Variants in SNRNP70 observed in about 807,000 individuals in gnomAD.
SNRNP70 encodes the protein U1 small nuclear ribonucleoprotein 70 kDa.
Under a neutral mutation model 50.5 loss-of-function variants are expected in SNRNP70, and 8 were observed. The observed-to-expected ratio is 0.16, with a 90% CI of 0.09 to 0.29. SNRNP70 has a LOEUF of 0.29. SNRNP70 is among the 10% of genes least tolerant of loss of function. The pLI is 1.00. For synonymous variants in SNRNP70, 320 were observed against 252.9 expected (o/e 1.27, Z -2.52); for missense variants, 529 against 663.5 (o/e 0.80, Z 2.23).
At chr19:49,092,927 G>GTT (rs1225546010) in intron 4 of SNRNP70, among the ~76,000 whole-genome samples, 1 of 149,758 alleles carries the variant, frequency 6.7e-6, no homozygotes, top group Non-Finnish European at 1.5e-5. Flanking sequence ...GTTTTGTTTT[G>GTT]TTCTTAGGGA....
chr19:49,098,345 T>G, intron 4 of SNRNP70, 82 bp from the exon 5 acceptor site: 1 of 1,165,574 alleles, frequency 8.6e-7, no homozygotes, highest in Non-Finnish European at 1.2e-6. Context: ...CGTTTTCTTC[T>G]TGGCCTCTGC....
At chr19:49,088,888 T>G (rs894179419) in intron 2 of SNRNP70, among the ~76,000 whole-genome samples, 1 of 152,194 alleles carries the variant, frequency 6.6e-6, no homozygotes, top group Non-Finnish European at 1.5e-5. Context: ...AGCCCTGTTC[T>G]GTCAGCTTAT....
At chr19:49,102,968 A>T (rs1488973661) in intron 7 of SNRNP70, 2 of 152,396 alleles carry the variant, frequency 1.3e-5, no homozygotes, top group African/African-American at 4.8e-5. Context: ...CTGGTCCTTA[A>T]ATGCCTTTCC....
Position 49,104,539 on chromosome 19 carries a change from G to A in SNRNP70, c.476-95G>A. On this transcript the variant is annotated intron_variant, in intron 7 of 9. Coordinates refer to ENST00000598441, the MANE Select transcript of SNRNP70 (RefSeq NM_003089.6). The surrounding 1 kb of genome is among the most constrained non-coding windows in gnomAD (Gnocchi z 5.4). ...GGCGTGTGCGTGTGCGTGATGATGG[G>A]GACACGGGGCGGGGATTCTGTAGAG... is the stretch of plus-strand genomic sequence containing the variant. 1.1e-6 allele frequency: 1 copy of A among 924,488 alleles called. No homozygotes were observed. Among genetic ancestry groups the A allele is most frequent in the African/African-American group, 1.6e-5 (1 of 60,960 alleles). The allele number at this position is 924,488 out of a possible 1,614,324, so 57.3% of individuals were successfully genotyped here.
At chr19:49,095,759 A>C (rs1209792424) in intron 4 of SNRNP70, among the ~76,000 whole-genome samples, 1 of 151,964 alleles carries the variant, frequency 6.6e-6, no homozygotes, top group African/African-American at 2.4e-5. Context: ...ACTCTTGGTC[A>C]CAAGTGATCC....
At chr19:49,086,662 A>G in intron 2 of SNRNP70, 101 bp downstream of exon 2, 1 of 1,089,022 alleles carries the variant, frequency 9.2e-7, no homozygotes, top group South Asian at 1.4e-5. Flanking sequence ...GCGTGATTTA[A>G]GCGAGGGGCT....
intron 4 of SNRNP70, among the ~76,000 whole-genome samples, chr19:49,096,857 C>T (rs1488743636): frequency 2.0e-5 from 3 of 151,516 alleles, no homozygotes. Flanking sequence ...TGGCGGGACG[C>T]GGTGGTTCAT....
In SNRNP70 at chr19:49,108,240, G is replaced by C. The variant is rs749504131; in HGVS notation, c.1111G>C (p.Asp371His). The C allele has an allele frequency of 6.5e-7, 1 of 1,538,080 alleles. No individual in the cohort carries two copies. ...CGAGCGGCGCCGGGACCGGGATCGT[G>C]ACCGTGACCGTGACCGCGAGCACAA... Reference protein sequence around the residue: ...ERERRRDRDRDRDRDREHKRG... With the variant: ...ERERRRDRDRHRDRDREHKRG... Residue 371 changes from aspartate (D) to histidine (H), a missense_variant, in exon 10 of 10, where the codon GAC becomes CAC. By Grantham distance (81) the Asp-to-His change is moderately conservative. Coordinates refer to ENST00000598441, the MANE Select transcript of SNRNP70 (RefSeq NM_003089.6).
At chr19:49,096,115 TG>T (rs1467948385) in intron 4 of SNRNP70, among the ~76,000 whole-genome samples, 1 of 151,346 alleles carries the variant, frequency 6.6e-6, no homozygotes, top group Non-Finnish European at 1.5e-5. Flanking sequence ...TGGAGTTCAG[TG>T]GTATGATCTC....
Position 49,090,348 on chromosome 19 carries a change from A to C in SNRNP70, c.205A>C (p.Arg69=). ...RAETREERME[R]KRREKIERRQ... The stretch of plus-strand genomic sequence containing the variant: ...TGAAACCCGAGAGGAGCGCATGGAG[A>C]GGAAAGTATGTCATTTTTGCTTCCT... The change falls in exon 3 of 10, where the codon AGG becomes CGG. Residue 69 remains arginine (R), a synonymous_variant. Coordinates refer to ENST00000598441, the MANE Select transcript of SNRNP70 (RefSeq NM_003089.6). 6.2e-7 allele frequency: 1 copy of C among 1,613,716 alleles called. No homozygotes were observed. Among genetic ancestry groups the C allele is most frequent in the Non-Finnish European group, 8.5e-7 (1 of 1,179,912 alleles).
At chr19:49,096,078 T>G (rs2040509222) in intron 4 of SNRNP70, among the ~76,000 whole-genome samples, 1 of 142,606 alleles carries the variant, frequency 7.0e-6, no homozygotes. Context: ...TTGTTTTTTG[T>G]TTTTTTTTTC....
intron 8 of SNRNP70, among the ~76,000 whole-genome samples, chr19:49,105,748 CAAA>C (rs1021517864): frequency 6.6e-6 from 1 of 150,504 alleles, no homozygotes; most frequent in Non-Finnish European, 1.5e-5. Flanking sequence ...AAACAAAAAA[CAAA>C]AAAACTGGGG....
intron 6 of SNRNP70, among the ~76,000 whole-genome samples, chr19:49,100,434 A>T (rs1290328973): frequency 6.6e-6 from 1 of 152,014 alleles, no homozygotes; most frequent in Non-Finnish European, 1.5e-5. Context: ...CATCCTCGGG[A>T]TGGGACGCAT....
intron 7 of SNRNP70, chr19:49,103,153 T>C (rs1311218109): frequency 6.6e-6 from 1 of 152,636 alleles, no homozygotes; most frequent in Non-Finnish European, 1.5e-5. Flanking sequence ...GTGTGCCTAG[T>C]TCAGTGTGAC....
Position 49,107,977 on chromosome 19 carries a change from A to G in SNRNP70, c.848A>G (p.Asp283Gly). 6.5e-7 allele frequency: 1 copy of G among 1,547,956 alleles called. No homozygotes were observed. Among genetic ancestry groups the G allele is most frequent in the South Asian group, 1.2e-5 (1 of 83,994 alleles). The change falls in exon 10 of 10, where the codon GAC (aspartate) becomes GGC (glycine). Residue 283 changes from aspartate (D) to glycine (G), a missense_variant. Physicochemically the swap from Asp to Gly is moderately conservative, Grantham distance 94. Coordinates refer to ENST00000598441, the MANE Select transcript of SNRNP70 (RefSeq NM_003089.6). This position sits in a 1 kb window ranked among gnomAD's most constrained non-coding sequence, Gnocchi z 6.0. ...AGGCGCTCCAGGGAGCGGAGCAAGG[A>G]CAAGGACCGGGACCGGAAGCGGCGA... ...ERRRSRERSK[D>G]KDRDRKRRSS...
In SNRNP70 at chr19:49,108,151, A is replaced by G. The variant is rs2040704163; in HGVS notation, c.1022A>G (p.Asp341Gly). The G allele has an allele frequency of 1.3e-6, 2 of 1,542,404 alleles. No homozygotes were observed. The highest frequency in any genetic ancestry group is 2.1e-5 in the Admixed American group (1 of 48,256). Residue 341 changes from aspartate to glycine, a missense_variant, in exon 10 of 10, where the codon GAC becomes GGC. By Grantham distance (94) the Asp-to-Gly change is moderately conservative (BLOSUM62 -1). This residue lies in a region of SNRNP70 where 327 missense variants were observed against 308.8 expected (regional missense o/e 1.06). Transcript: ENST00000598441. ...PPGELGPDGP[D>G]GPEEKGRDRD... ...GGGGAGCTCGGGCCTGACGGCCCTG[A>G]CGGTCCAGAGGAAAAGGGCCGGGAT...
At chr19:49,088,785 G>A (rs967458203) in intron 2 of SNRNP70, among the ~76,000 whole-genome samples, 4 of 152,174 alleles carry the variant, frequency 2.6e-5, no homozygotes, top group Admixed American at 2.0e-4. Context: ...ATGAGCCACT[G>A]CACCCTACCA....
rs1248042345 is a variant in SNRNP70, at chr19:49,107,791, C to T, written c.666-4C>T. ...AGCCACACAGGTCTGCCCACCTCATCCAGGCCCGGCCCCTCCCCGCTTCCG... is the reference window on the plus strand; with the variant it reads ...AGCCACACAGGTCTGCCCACCTCATTCAGGCCCGGCCCCTCCCCGCTTCCG... On this transcript the variant is annotated splice_region_variant and splice_polypyrimidine_tract_variant and intron_variant, in intron 9 of 9. Transcript: ENST00000598441. The surrounding 1 kb of genome is among the most constrained non-coding windows in gnomAD (Gnocchi z 6.0). 5.0e-6 allele frequency: 8 copies of T among 1,607,752 alleles called. No individual in the cohort carries two copies. The highest frequency in any genetic ancestry group is 1.7e-6 in the Non-Finnish European group (2 of 1,177,632).
chr19:49,101,751 G>A (rs1376177718), intron 7 of SNRNP70: 9 of 470,240 alleles, frequency 1.9e-5, no homozygotes, highest in African/African-American at 1.2e-4. Flanking sequence ...GTGGGGGGCT[G>A]GGGCCAGCTG....
Sources: allele counts gnomAD v4.1 joint callset (sites outside exome capture counted in the v4.1 genomes callset), GRCh38; gene constraint gnomAD v4.1.1; regional missense constraint gnomAD v4.1.1; non-coding constraint Gnocchi (gnomAD v3.1); transcripts MANE v1.5; gene names NCBI Gene and HGNC (gene_info 2026-07-23, HGNC 2026-07-21).